The following CD99L2 variants were observed in gnomAD, a reference collection of about 807,000 sequenced individuals.
CD99L2 encodes the protein CD99 molecule like 2, also known as CD99 antigen-like protein 2.
A neutral mutation model predicts 27.3 loss-of-function variants in CD99L2; 24 were observed. The ratio of observed to expected loss-of-function variants is 0.88; its 90% CI spans 0.64 to 1.24. CD99L2 has a LOEUF of 1.24. Ranked by LOEUF, CD99L2 falls within the 50% of genes most tolerant of loss-of-function variation. CD99L2 has a pLI of 0.00. For synonymous variants in CD99L2, 97 were observed against 87.9 expected (o/e 1.10, Z -0.58); for missense variants, 255 against 221.6 (o/e 1.15, Z -0.96).
chrX:150,801,896 A>C (rs2091679587), intron 4 of CD99L2, among the ~76,000 whole-genome samples: 1 of 111,820 alleles, frequency 8.9e-6, no homozygotes, highest in African/African-American at 3.3e-5. Context: ...AATAAAGGGG[A>C]ACTATCTCAA....
chrX:150,817,222 T>A (rs782376120), intron 2 of CD99L2, among the ~76,000 whole-genome samples: 22 of 106,542 alleles, frequency 2.1e-4, no homozygotes, highest in Admixed American at 1.2e-3. Flanking sequence ...AATAAATAAA[T>A]AAATAAATAA....
At chrX:150,787,540 A>G (rs1225833373) in intron 7 of CD99L2, among the ~76,000 whole-genome samples, 1 of 110,938 alleles carries the variant, frequency 9.0e-6, no homozygotes, top group Non-Finnish European at 1.9e-5. Flanking sequence ...TGTGACACAC[A>G]TACACCATGA....
chrX:150,804,714 G>A (rs368330519), intron 4 of CD99L2, among the ~76,000 whole-genome samples: 1 of 112,338 alleles, frequency 8.9e-6, no homozygotes, highest in African/African-American at 3.2e-5. Context: ...AAGAAAAAGA[G>A]AGAGGACTCA....
At chrX:150,871,430 T>C (rs1360992302) in intron 1 of CD99L2, among the ~76,000 whole-genome samples, 1 of 111,544 alleles carries the variant, frequency 9.0e-6, no homozygotes, top group African/African-American at 3.3e-5. Flanking sequence ...AGATTCAGAC[T>C]GAAGGTTGAT....
chrX:150,787,287 G>C (rs2045609256), intron 7 of CD99L2, among the ~76,000 whole-genome samples: 1 of 111,862 alleles, frequency 8.9e-6, no homozygotes, highest in East Asian at 2.8e-4. Flanking sequence ...TGAAGACTTT[G>C]CCTTCTGACA....
intron 9 of CD99L2, among the ~76,000 whole-genome samples, chrX:150,775,688 C>T (rs917582021): frequency 1.8e-5 from 2 of 112,352 alleles, no homozygotes; most frequent in Non-Finnish European, 3.8e-5. Flanking sequence ...CACGATGTGA[C>T]GGGGGCACTG....
At chrX:150,868,061 G>A (rs782108418) in intron 1 of CD99L2, among the ~76,000 whole-genome samples, 2 of 102,247 alleles carry the variant, frequency 2.0e-5, no homozygotes, top group East Asian at 3.0e-4. Context: ...CAGCCTAGGC[G>A]ACAGAGTGAG....
chrX:150,788,404 G>A (rs2045633470), intron 7 of CD99L2, among the ~76,000 whole-genome samples: 2 of 111,294 alleles, frequency 1.8e-5, no homozygotes, highest in South Asian at 3.8e-4. Flanking sequence ...TCTCTCTTGC[G>A]GCTGCAAGGA....
At chrX:150,784,402 T>C (rs782737446) in intron 7 of CD99L2, among the ~76,000 whole-genome samples, 2 of 111,280 alleles carry the variant, frequency 1.8e-5, no homozygotes, top group East Asian at 5.7e-4. Flanking sequence ...GTGTACTAGT[T>C]AGAGGACATG....
chrX:150,797,457 A>G (rs782624990), intron 4 of CD99L2, among the ~76,000 whole-genome samples: 1 of 112,356 alleles, frequency 8.9e-6, no homozygotes, highest in East Asian at 2.8e-4. Flanking sequence ...TCCTGTGTTC[A>G]TGGATTAGAA....
intron 1 of CD99L2, among the ~76,000 whole-genome samples, chrX:150,856,513 C>T (rs1293106681): frequency 9.1e-6 from 1 of 109,849 alleles, no homozygotes; most frequent in Non-Finnish European, 1.9e-5. Flanking sequence ...GATGGACATA[C>T]AAAATGACAT....
intron 1 of CD99L2, among the ~76,000 whole-genome samples, chrX:150,840,566 T>C (rs1009547953): frequency 9.0e-6 from 1 of 111,324 alleles, no homozygotes; most frequent in East Asian, 2.8e-4. Flanking sequence ...CATGCCACCA[T>C]GCCTAACTTT....
intron 4 of CD99L2, among the ~76,000 whole-genome samples, chrX:150,806,098 C>A (rs1221407493): frequency 8.9e-6 from 1 of 112,190 alleles, no homozygotes; most frequent in East Asian, 2.8e-4. Context: ...ATGTCAATAT[C>A]TTGGTTGTGA....
intron 1 of CD99L2, among the ~76,000 whole-genome samples, chrX:150,859,414 G>A (rs1352448177): frequency 9.0e-6 from 1 of 110,719 alleles, no homozygotes; most frequent in African/African-American, 3.3e-5. Flanking sequence ...CAGGGGAATC[G>A]CTTGAACCCG....
intron 2 of CD99L2, among the ~76,000 whole-genome samples, chrX:150,824,677 A>AGAG (rs1432355215): frequency 1.1e-4 from 10 of 88,755 alleles, no homozygotes; most frequent in Admixed American, 5.3e-4. Context: ...AGGAAGAGGA[A>AGAG]GAAGAAGAAG....
chrX:150,894,284 A>T (rs1249850115), intron 1 of CD99L2, among the ~76,000 whole-genome samples: 1 of 111,844 alleles, frequency 8.9e-6, no homozygotes, highest in Admixed American at 9.5e-5. Context: ...TGTGGCTTGG[A>T]ATGTCTTGCT....
intron 9 of CD99L2, 43 bp downstream of exon 9, chrX:150,776,131 C>T: frequency 8.3e-7 from 1 of 1,200,920 alleles, no homozygotes; most frequent in Non-Finnish European, 1.1e-6. Context: ...CTCCAAAGAC[C>T]TTGCCAGCTG....
rs202222441 is a variant in CD99L2 at position 150,814,277 on chromosome X, T to C, written c.277+585A>G. On this transcript the variant is annotated intron_variant, in intron 4 of 10. Transcript: ENST00000370377. ...AACCTGTAAGAAACAACCGCTTTTG[T>C]TGGGGCCAAGTTTTGGTGTCCTATC... Among the ~76,000 whole-genome samples, 14 of 112,503 alleles carry C rather than the reference T, an allele frequency of 1.2e-4. No individual in the cohort carries two copies. In the East Asian group the frequency reaches 3.6e-3, roughly 29 times the overall value.
At chrX:150,785,810 C>T (rs1261407303) in intron 7 of CD99L2, among the ~76,000 whole-genome samples, 1 of 112,188 alleles carries the variant, frequency 8.9e-6, no homozygotes, top group Non-Finnish European at 1.9e-5. Flanking sequence ...TCCATGCTGT[C>T]GTATCAGTAA....
Sources: gnomAD v4.1 joint callset for allele counts (sites outside exome capture counted in the v4.1 genomes callset) on GRCh38, gnomAD v4.1.1 for gene constraint, MANE v1.5 for transcripts, NCBI Gene and HGNC (gene_info 2026-07-23, HGNC 2026-07-21) for gene names.